DNAH3: variants seen among roughly 807,000 people sequenced by gnomAD.
The protein encoded by DNAH3 is axonemal beta dynein heavy chain 3.
In DNAH3, 332 loss-of-function variants were observed where a neutral mutation model predicts 432.5. The ratio of observed to expected loss-of-function variants is 0.77; its 90% confidence interval spans 0.70 to 0.84. The LOEUF (loss-of-function observed/expected upper bound fraction) is 0.84. Among genes scored for constraint, DNAH3 ranks in the 40% least tolerant of loss-of-function variants. DNAH3 has a pLI of 0.00. For missense variants in DNAH3, 4,861 were observed against 5,114.0 expected, an observed-to-expected ratio of 0.95 and a Z score of 1.51; for synonymous variants, 1,956 against 1,900.2, an observed-to-expected ratio of 1.03 and a Z score of -0.76.
At chr16:21,132,549 A>AC (rs2092580761) in intron 7 of DNAH3, among the ~76,000 whole-genome samples, 1 of 152,238 alleles carries the variant, frequency 6.6e-6, no homozygotes, top group African/African-American at 2.4e-5. Context: ...ATGGATTAGT[A>AC]TGCCGCCATA....
rs141984585 is a variant in DNAH3 at position 21,037,874 on chromosome 16, C to A, written c.4837G>T (p.Ala1613Ser). ...GGATACTTGAGCTTCAGGTTTCCTG[C>A]GGCAGTAAGCACAGACTTGACAGCG... The change falls in exon 34 of 62, where the codon GCA (alanine) becomes TCA (serine). Residue 1613 changes from alanine (A) to serine (S), a missense_variant. By Grantham distance (99) the Ala-to-Ser change is moderately conservative. Coordinates refer to ENST00000261383, the Ensembl canonical transcript of DNAH3. The A allele has an allele frequency of 3.9e-4, 635 of 1,614,140 alleles. 4 individuals carry two copies. In the East Asian group the frequency reaches 0.012, roughly 31 times the overall value.
rs117006618 is a variant in DNAH3, at chr16:21,077,828, A to G, written c.2970-2267T>C. The stretch of plus-strand genomic sequence containing the variant: ...TATTTACTCATAGGTCAGGAAACCA[A>G]CGCTCAGAGGAAGCAAGTGACATGT... On this transcript the variant is annotated intron_variant, in intron 20 of 61. Coordinates refer to ENST00000261383, the Ensembl canonical transcript of DNAH3. Among the ~76,000 whole-genome samples, 736 of 152,272 alleles carry G rather than the reference A, an allele frequency of 4.8e-3. 14 individuals carry two copies. In the East Asian group the frequency reaches 0.063, roughly 13 times the overall value.
intron 20 of DNAH3, among the ~76,000 whole-genome samples, chr16:21,079,353 G>T (rs1216282245): frequency 6.6e-6 from 1 of 152,186 alleles, no homozygotes; most frequent in Non-Finnish European, 1.5e-5. Context: ...GTCGGGCATG[G>T]TGGCTCACGC....
intron 41 of DNAH3, among the ~76,000 whole-genome samples, chr16:21,004,052 G>T (rs1372097931): frequency 2.0e-5 from 3 of 152,090 alleles, no homozygotes; most frequent in African/African-American, 7.2e-5. Flanking sequence ...GAAACTGAAG[G>T]ACCTGCTGAC....
intron 26 of DNAH3, among the ~76,000 whole-genome samples, chr16:21,058,993 T>G (rs902526431): frequency 1.3e-5 from 2 of 151,756 alleles, no homozygotes; most frequent in Non-Finnish European, 2.9e-5. Context: ...ATCCCAGAAC[T>G]TAAAGTAAAA....
chr16:21,069,648 G>A (rs1448544583), intron 22 of DNAH3, 54 bp from the exon 23 acceptor site: 1 of 1,468,568 alleles, frequency 6.8e-7, no homozygotes, highest in East Asian at 2.3e-5. Context: ...CTGCATCACA[G>A]GCCCATGGAG....
chr16:21,155,095 G>A (rs549958239), intron 1 of DNAH3, among the ~76,000 whole-genome samples: 15 of 151,802 alleles, frequency 9.9e-5, no homozygotes, highest in East Asian at 7.8e-4. Context: ...GATTACAGGC[G>A]TGTGCTAACA....
exon 5 of DNAH3, chr16:21,140,558 T>G (rs1212031572): frequency 3.7e-6 from 6 of 1,613,904 alleles, no homozygotes; most frequent in African/African-American, 1.3e-5. Flanking sequence ...TTCAGATGGC[T>G]TCTTTTCTTT....
Position 21,070,815 on chromosome 16 carries a change from G to T in DNAH3, c.3096C>A (p.Ile1032=), listed in dbSNP as rs775519386. ...TTTGAATGTCATCAATTGCACACAA[G>T]ATGTTTGTATCCTGTAAATAAAGAT... The change falls in exon 22 of 62, where the codon ATC becomes ATA. Residue 1032 remains isoleucine, a synonymous_variant. Transcript: ENST00000261383. 3.1e-6 allele frequency: 5 copies of T among 1,601,448 alleles called. No homozygotes were observed. The South Asian group carries it at 5.5e-5, about 18-fold the overall frequency.
chr16:20,960,641 G>A (rs2084776520), intron 53 of DNAH3, among the ~76,000 whole-genome samples: 1 of 152,126 alleles, frequency 6.6e-6, no homozygotes, highest in South Asian at 2.1e-4. Context: ...AGAGGCGGAG[G>A]TTGCAGTGAG....
chr16:21,059,357 G>T (rs2090258636), intron 26 of DNAH3, among the ~76,000 whole-genome samples: 1 of 152,276 alleles, frequency 6.6e-6, no homozygotes, highest in South Asian at 2.1e-4. Context: ...AAAAGGGACT[G>T]GTCTTTCATT....
intron 43 of DNAH3, among the ~76,000 whole-genome samples, chr16:20,999,740 C>T (rs369308848): frequency 6.6e-6 from 1 of 152,108 alleles, no homozygotes; most frequent in East Asian, 1.9e-4. Context: ...AGTGAGGAAA[C>T]GCTTTGTAAA....
At chr16:21,028,789 A>C (rs1288038291) in intron 37 of DNAH3, among the ~76,000 whole-genome samples, 1 of 152,182 alleles carries the variant, frequency 6.6e-6, no homozygotes, top group Non-Finnish European at 1.5e-5. Flanking sequence ...TACTCACGAA[A>C]ATGGATTCCA....
At position 21,054,406 on chromosome 16, in the gene DNAH3, G is replaced by A; in HGVS notation, c.4039+14C>T. 5 of 1,592,034 alleles carry A rather than the reference G, an allele frequency of 3.1e-6. No individual in the cohort carries two copies. The highest frequency in any genetic ancestry group is 4.3e-6 in the Non-Finnish European group (5 of 1,160,034). On this transcript the variant is annotated intron_variant, in intron 28 of 61. Coordinates refer to ENST00000261383, the Ensembl canonical transcript of DNAH3. The stretch of plus-strand genomic sequence containing the variant: ...TGGATAGTCAGTAATGACAGGGGAA[G>A]CCCCCTGGCTTACCGTGGACATCGA...
chr16:21,153,547 T>G (rs992484001), intron 1 of DNAH3, among the ~76,000 whole-genome samples: 1 of 152,152 alleles, frequency 6.6e-6, no homozygotes, highest in Non-Finnish European at 1.5e-5. Flanking sequence ...GGGCCAGCAG[T>G]GGCAAGCCGC....
chr16:21,077,853 T>A (rs1484566009), intron 20 of DNAH3, among the ~76,000 whole-genome samples: 1 of 152,158 alleles, frequency 6.6e-6, no homozygotes, highest in Non-Finnish European at 1.5e-5. Flanking sequence ...AAGTGACATG[T>A]CCAAAATCAC....
At chr16:21,074,606 C>T (rs974571989) in intron 21 of DNAH3, among the ~76,000 whole-genome samples, 3 of 152,076 alleles carry the variant, frequency 2.0e-5, no homozygotes, top group East Asian at 1.9e-4. Flanking sequence ...CCCAGCTACT[C>T]GGGAGGCTGA....
intron 60 of DNAH3, among the ~76,000 whole-genome samples, chr16:20,935,820 G>A (rs1267793603): frequency 3.4e-5 from 5 of 148,738 alleles, no homozygotes; most frequent in African/African-American, 1.2e-4. Context: ...TCCAGCCTGA[G>A]TGACAAGAGT....
chr16:21,008,441 C>T (rs1164142907), intron 41 of DNAH3, among the ~76,000 whole-genome samples: 1 of 152,174 alleles, frequency 6.6e-6, no homozygotes, highest in African/African-American at 2.4e-5. Flanking sequence ...TGTACCCTCT[C>T]TCTGAAATCT....
Sources: allele counts gnomAD v4.1 joint callset (sites outside exome capture counted in the v4.1 genomes callset), GRCh38; gene constraint gnomAD v4.1.1; transcripts MANE v1.5; gene names NCBI Gene and HGNC (gene_info 2026-07-23, HGNC 2026-07-21).